Variants in PAFAH1B1 observed in about 807,000 individuals in gnomAD.
PAFAH1B1 encodes platelet-activating factor acetylhydrolase IB subunit beta.
In PAFAH1B1, 2 loss-of-function variants were observed where a neutral mutation model predicts 57.5. The ratio of observed to expected loss-of-function variants is 0.03; its 90% CI spans 0.01 to 0.11. The LOEUF (loss-of-function observed/expected upper bound fraction) is 0.11. Among genes scored for constraint, PAFAH1B1 ranks in the 10% least tolerant of loss-of-function variants. The pLI, the probability that PAFAH1B1 is intolerant of heterozygous loss-of-function variation, is 1.00. For missense variants in PAFAH1B1, 257 were observed against 512.0 expected (o/e 0.50, Z 4.81); for synonymous variants, 152 against 169.6 (o/e 0.90, Z 0.81).
At position 2,665,393 on chromosome 17, in the gene PAFAH1B1, T is replaced by C. The variant is rs1190796311; in HGVS notation, c.54T>C (p.Tyr18=). 6.2e-7 allele frequency: 1 copy of C among 1,606,062 alleles called. No individual in the cohort carries two copies. The highest frequency in any genetic ancestry group is 2.2e-5 in the East Asian group (1 of 44,768). ...RDELNRAIAD[Y]LRSNGYEEAY... is the part of the protein sequence containing the mutation. ...TCAGAAATCGAGCTATAGCAGATTA[T>C]CTTCGTTCAAATGGCTATGAAGAGG... Residue 18 remains tyrosine, a synonymous_variant, in exon 3 of 11, where the codon TAT becomes TAC. Transcript: ENST00000397195.
intron 1 of PAFAH1B1, among the ~76,000 whole-genome samples, chr17:2,634,814 T>C (rs1414436970): frequency 6.6e-6 from 1 of 152,228 alleles, no homozygotes; most frequent in African/African-American, 2.4e-5. Context: ...TTATTCACGC[T>C]GTTTTAATTG....
At chr17:2,609,756 C>T (rs141401892) in intron 1 of PAFAH1B1, among the ~76,000 whole-genome samples, 9,375 of 151,582 alleles carry the variant, frequency 0.062, 699 homozygotes, top group African/African-American at 0.18. Flanking sequence ...GTGATCCACC[C>T]GCCTAGGCCT....
At chr17:2,612,435 C>T (rs980989859) in intron 1 of PAFAH1B1, among the ~76,000 whole-genome samples, 3 of 151,564 alleles carry the variant, frequency 2.0e-5, no homozygotes, top group African/African-American at 2.4e-5. Context: ...CTCAAACTAC[C>T]GACCTCAGGT....
intron 1 of PAFAH1B1, among the ~76,000 whole-genome samples, chr17:2,620,600 ATGCCTGT>A (rs765831569): frequency 2.0e-5 from 3 of 152,184 alleles, no homozygotes; most frequent in Non-Finnish European, 4.4e-5. Context: ...GCCGTTGCTC[ATGCCTGT>A]AATCCCAGCA....
At chr17:2,667,502 T>C (rs924955678) in intron 5 of PAFAH1B1, 2 of 341,150 alleles carry the variant, frequency 5.9e-6, no homozygotes, top group Admixed American at 8.6e-5. Flanking sequence ...TGCTGCCAGG[T>C]AAGTTTGATG....
In PAFAH1B1 at chr17:2,665,402, A is replaced by C. The variant is rs1237255337; in HGVS notation, c.63A>C (p.Ser21=). 1 of 1,608,808 alleles carries C rather than the reference A, an allele frequency of 6.2e-7. No individual in the cohort carries two copies. The highest frequency in any genetic ancestry group is 8.5e-7 in the Non-Finnish European group (1 of 1,176,804). Residue 21 remains serine, a synonymous_variant, in exon 3 of 11, where the codon TCA becomes TCC. Coordinates refer to ENST00000397195, the MANE Select transcript of PAFAH1B1 (RefSeq NM_000430.4). The part of the protein sequence containing the change: ...LNRAIADYLR[S]NGYEEAYSVF... ...GAGCTATAGCAGATTATCTTCGTTC[A>C]AATGGCTATGAAGAGGCATATTCAG...
chr17:2,612,950 G>C (rs933827953), intron 1 of PAFAH1B1, among the ~76,000 whole-genome samples: 12 of 146,298 alleles, frequency 8.2e-5, no homozygotes, highest in East Asian at 2.0e-4. Context: ...AATGTTTGTT[G>C]TTTGTTTTTT....
chr17:2,608,176 C>A (rs111478118), intron 1 of PAFAH1B1, among the ~76,000 whole-genome samples: 1 of 152,042 alleles, frequency 6.6e-6, no homozygotes, highest in Non-Finnish European at 1.5e-5. Context: ...CCTCCACCTC[C>A]CAGGTTCAAG....
chr17:2,660,745 A>C (rs2069003328), intron 2 of PAFAH1B1, among the ~76,000 whole-genome samples: 1 of 152,220 alleles, frequency 6.6e-6, no homozygotes, highest in South Asian at 2.1e-4. Flanking sequence ...AAAATGATTT[A>C]TATTCCTTTG....
intron 1 of PAFAH1B1, among the ~76,000 whole-genome samples, chr17:2,595,420 G>GTTTTTTT (rs1233555187): frequency 1.1e-5 from 1 of 90,806 alleles, no homozygotes; most frequent in African/African-American, 4.7e-5. Context: ...AGGAGTGTTT[G>GTTTTTTT]CTTTTTTTTT....
chr17:2,652,214 T>C (rs1474941718), intron 2 of PAFAH1B1, among the ~76,000 whole-genome samples: 1 of 151,460 alleles, frequency 6.6e-6, no homozygotes, highest in East Asian at 1.9e-4. Context: ...ATCGAGACCA[T>C]CCTGGCTAAC....
intron 1 of PAFAH1B1, among the ~76,000 whole-genome samples, chr17:2,623,419 C>T (rs548288334): frequency 9.9e-5 from 15 of 151,650 alleles, no homozygotes; most frequent in African/African-American, 3.1e-4. Context: ...CCACCACACC[C>T]GGCTAATTTT....
intron 1 of PAFAH1B1, among the ~76,000 whole-genome samples, chr17:2,626,210 C>T (rs1161661602): frequency 2.6e-5 from 4 of 151,610 alleles, no homozygotes; most frequent in Admixed American, 2.0e-4. Flanking sequence ...GCCGAGATCA[C>T]GCCACTGCAC....
intron 2 of PAFAH1B1, among the ~76,000 whole-genome samples, chr17:2,657,613 A>T (rs573826533): frequency 6.6e-6 from 1 of 152,186 alleles, no homozygotes; most frequent in Non-Finnish European, 1.5e-5. Flanking sequence ...ATTCTGATTC[A>T]CTTGGTCCAG....
Position 2,635,953 on chromosome 17 carries a change from CAAAA to C in PAFAH1B1, c.-190-2129_-190-2126del, listed in dbSNP as rs560825633. ...CTGTCTCTACAAAAATAGAAAAATA[CAAAA>C]AAAAAAAAAAAAAAAATTAGCTGGG... On this transcript the variant is annotated intron_variant, in intron 1 of 10. Transcript: ENST00000397195. 1.9e-3 allele frequency among the ~76,000 whole-genome samples: 133 copies of C among 70,878 alleles called. 1 individual carries two copies. The highest frequency in any genetic ancestry group is 5.6e-3 in the East Asian group (17 of 3,028). The allele number at this position is 70,878 out of a possible 152,430, so 46.5% of individuals were successfully genotyped here. A position where few individuals can be genotyped will look rare whatever the true frequency, so the allele number is the denominator to read the frequency against.
chr17:2,666,989 A>T lies in PAFAH1B1; in HGVS notation c.193-3A>T, dbSNP rs1365929062. On this transcript the variant is annotated splice_polypyrimidine_tract_variant and splice_region_variant and intron_variant, in intron 4 of 10. Coordinates refer to ENST00000397195, the MANE Select transcript of PAFAH1B1 (RefSeq NM_000430.4). ...TGTACGTAACTACATGTTCTTTTTC[A>T]AGGTTATGGAATTAGAATCAAAGCT... The T allele has an allele frequency of 2.5e-6, 4 of 1,606,246 alleles. No individual in the cohort carries two copies. In the East Asian group the frequency reaches 6.7e-5, roughly 27 times the overall value.
chr17:2,665,978 A>T, intron 3 of PAFAH1B1, 38 bp from the exon 4 acceptor site: 1 of 1,412,002 alleles, frequency 7.1e-7, no homozygotes, highest in Non-Finnish European at 9.6e-7. Flanking sequence ...GATCATAGTT[A>T]AGCCATTTTT....
intron 10 of PAFAH1B1, 83 bp downstream of exon 10, chr17:2,680,403 C>A: frequency 8.0e-7 from 1 of 1,256,932 alleles, no homozygotes; most frequent in Non-Finnish European, 1.2e-6. Flanking sequence ...GTGGACTTTG[C>A]CAGGTAAGAA....
intron 1 of PAFAH1B1, among the ~76,000 whole-genome samples, chr17:2,618,954 CAAAAAAAAAAAA>C (rs34683975): frequency 1.3e-5 from 1 of 76,264 alleles, no homozygotes; most frequent in South Asian, 4.9e-4. Context: ...GACTCCGTCT[CAAAAAAAAAAAA>C]AAAAAAAAAA....
Sources: allele counts gnomAD v4.1 joint callset (sites outside exome capture counted in the v4.1 genomes callset), GRCh38; gene constraint gnomAD v4.1.1; transcripts MANE v1.5; gene names NCBI Gene and HGNC (gene_info 2026-07-23, HGNC 2026-07-21).